Variants in RBM33 observed in about 807,000 individuals in gnomAD.
RBM33 encodes RNA binding motif protein 33.
In RBM33, 28 loss-of-function variants were observed where a neutral mutation model predicts 132.6. That is an observed-to-expected ratio of 0.21 (90% CI 0.16 to 0.29). RBM33 has a LOEUF of 0.29. Ranked by LOEUF, RBM33 falls within the 10% of genes least tolerant of loss-of-function variation. The pLI is 1.00. For missense variants in RBM33, 1,291 were observed against 1,518.5 expected (o/e 0.85, Z 2.49); for synonymous variants, 634 against 593.0 (o/e 1.07, Z -1.01).
intron 9 of RBM33, among the ~76,000 whole-genome samples, chr7:155,724,990 TTGTGTGTGTGTGTGTGTGTGTG>T (rs56739117): frequency 2.4e-5 from 3 of 123,366 alleles, no homozygotes; most frequent in East Asian, 2.3e-4. Flanking sequence ...GTGTACAGGT[TTGTGTGTGTGTGTGTGTGTGTG>T]TGTGTGTGTG....
At chr7:155,757,901 G>T (rs914938146) in intron 14 of RBM33, among the ~76,000 whole-genome samples, 2 of 151,220 alleles carry the variant, frequency 1.3e-5, no homozygotes, top group Admixed American at 1.3e-4. Context: ...GGCGGGGCAT[G>T]TGCCATGCAC....
At chr7:155,653,292 T>C (rs1369899693) in intron 1 of RBM33, among the ~76,000 whole-genome samples, 1 of 152,192 alleles carries the variant, frequency 6.6e-6, no homozygotes, top group Non-Finnish European at 1.5e-5. Flanking sequence ...TTTAACTAAT[T>C]ACATCTGCAT....
intron 16 of RBM33, among the ~76,000 whole-genome samples, chr7:155,770,806 T>G (rs1802402689): frequency 6.6e-6 from 1 of 152,128 alleles, no homozygotes; most frequent in Non-Finnish European, 1.5e-5. Flanking sequence ...GAGGAAGAAC[T>G]TTTCATGGGG....
At chr7:155,712,924 T>G (rs1800349001) in intron 8 of RBM33, among the ~76,000 whole-genome samples, 1 of 152,122 alleles carries the variant, frequency 6.6e-6, no homozygotes, top group Non-Finnish European at 1.5e-5. Flanking sequence ...CTTGCTGCCG[T>G]GTTGAGAGGA....
intron 9 of RBM33, among the ~76,000 whole-genome samples, chr7:155,732,377 TA>T (rs1800980709): frequency 6.6e-6 from 1 of 152,236 alleles, no homozygotes; most frequent in Non-Finnish European, 1.5e-5. Context: ...CCCCTTTCTC[TA>T]AAAGTACATT....
chr7:155,697,332 G>A (rs1799822605), intron 5 of RBM33, among the ~76,000 whole-genome samples: 1 of 152,142 alleles, frequency 6.6e-6, no homozygotes, highest in Non-Finnish European at 1.5e-5. Flanking sequence ...GAGATTCCGT[G>A]TACTTTTACT....
chr7:155,767,848 G>T (rs537164003), intron 16 of RBM33, among the ~76,000 whole-genome samples: 1 of 152,232 alleles, frequency 6.6e-6, no homozygotes, highest in Admixed American at 6.5e-5. Context: ...GGATTAATTT[G>T]CAGGAACACG....
chr7:155,761,747 T>C (rs1802043800), intron 14 of RBM33, among the ~76,000 whole-genome samples: 3 of 152,200 alleles, frequency 2.0e-5, no homozygotes, highest in Admixed American at 2.0e-4. Flanking sequence ...TCACAGATTG[T>C]CTTTTTTCTG....
intron 9 of RBM33, among the ~76,000 whole-genome samples, chr7:155,735,591 A>G (rs1801092167): frequency 6.6e-6 from 1 of 152,126 alleles, no homozygotes. Context: ...CTAGCTACTC[A>G]GGAGGCTGAG....
chr7:155,690,115 G>A (rs1799592850), intron 5 of RBM33, among the ~76,000 whole-genome samples: 1 of 152,178 alleles, frequency 6.6e-6, no homozygotes, highest in South Asian at 2.1e-4. Flanking sequence ...AAGTCTCTTT[G>A]TAGGTCTCTC....
intron 14 of RBM33, among the ~76,000 whole-genome samples, chr7:155,761,157 A>C (rs1228565826): frequency 1.3e-5 from 2 of 152,176 alleles, no homozygotes; most frequent in Admixed American, 6.5e-5. Context: ...TTCTGGGATG[A>C]ATCTTACCTG....
At chr7:155,647,258 TG>T (rs1798225404) in intron 1 of RBM33, among the ~76,000 whole-genome samples, 1 of 152,232 alleles carries the variant, frequency 6.6e-6, no homozygotes, top group African/African-American at 2.4e-5. Flanking sequence ...AAATGCTGGT[TG>T]TGACCTGGAT....
intron 6 of RBM33, among the ~76,000 whole-genome samples, chr7:155,702,114 C>T (rs1799983041): frequency 6.6e-6 from 1 of 152,204 alleles, no homozygotes; most frequent in African/African-American, 2.4e-5. Flanking sequence ...GGGGCTCTGC[C>T]TGCCATCTGG....
chr7:155,736,971 T>C (rs923738286), intron 9 of RBM33, among the ~76,000 whole-genome samples: 1 of 152,160 alleles, frequency 6.6e-6, no homozygotes, highest in Non-Finnish European at 1.5e-5. Flanking sequence ...TGTGTAACAG[T>C]TTTTATGTTA....
At chr7:155,752,402 G>A (rs907158075) in intron 14 of RBM33, among the ~76,000 whole-genome samples, 1 of 152,182 alleles carries the variant, frequency 6.6e-6, no homozygotes, top group African/African-American at 2.4e-5. Context: ...GTGGGAATTA[G>A]GAAGTAATTT....
At chr7:155,716,314 C>CTTTTTTTTTTTTTTT (rs1563157893) in intron 8 of RBM33, among the ~76,000 whole-genome samples, 1 of 43,574 alleles carries the variant, frequency 2.3e-5, no homozygotes, top group African/African-American at 1.4e-4. Context: ...TCCTTTTCTG[C>CTTTTTTTTTTTTTTT]TGTTTTTTTT....
chr7:155,734,631 A>G (rs1056714106), intron 9 of RBM33, among the ~76,000 whole-genome samples: 1 of 152,042 alleles, frequency 6.6e-6, no homozygotes, highest in African/African-American at 2.4e-5. Context: ...TCTCAATGCA[A>G]ATTCTTCTAA....
chr7:155,645,015 C>T (rs1167550417), intron 1 of RBM33, 96 bp downstream of exon 1: 3 of 890,194 alleles, frequency 3.4e-6, no homozygotes, highest in Non-Finnish European at 4.8e-6. Context: ...GGACGAGGCT[C>T]TCCCCGGCTC....
chr7:155,771,080 C>T (rs774814267), intron 16 of RBM33, among the ~76,000 whole-genome samples: 91 of 152,222 alleles, frequency 6.0e-4, no homozygotes, highest in Non-Finnish European at 1.0e-3. Context: ...CCTGCCAGTA[C>T]GTTATGTGGG....
Sources: gnomAD v4.1 joint callset for allele counts (sites outside exome capture counted in the v4.1 genomes callset) on GRCh38, gnomAD v4.1.1 for gene constraint, MANE v1.5 for transcripts, NCBI Gene and HGNC (gene_info 2026-07-23, HGNC 2026-07-21) for gene names.